Variants in TTL observed in about 807,000 individuals in gnomAD.
TTL encodes tubulin--tyrosine ligase.
In TTL, 10 loss-of-function variants were observed where a neutral mutation model predicts 41.1. That is an observed-to-expected ratio of 0.24 (90% CI 0.15 to 0.41). The LOEUF is 0.41. Ranked by LOEUF, TTL falls within the 10% of genes least tolerant of loss-of-function variation. TTL has a pLI of 1.00. For missense variants in TTL, 367 were observed against 460.4 expected (o/e 0.80, Z 1.86); for synonymous variants, 175 against 175.5 (o/e 1.00, Z 0.02).
chr2:112,510,824 C>G (rs376972971), intron 5 of TTL, among the ~76,000 whole-genome samples: 142 of 152,040 alleles, frequency 9.3e-4, no homozygotes, highest in African/African-American at 3.4e-3. Flanking sequence ...TTCTAATTTC[C>G]CTTATAATTT....
chr2:112,523,175 C>A (rs1682286339), intron 6 of TTL, among the ~76,000 whole-genome samples: 1 of 152,204 alleles, frequency 6.6e-6, no homozygotes, highest in South Asian at 2.1e-4. Context: ...ATTACCACCA[C>A]CACCACCAGC....
At position 112,531,134 on chromosome 2, in the gene TTL, C is replaced by G. The variant is rs964952188; in HGVS notation, c.*2339C>G. The G allele has an allele frequency of 7.1e-5, 15 of 210,956 alleles. No homozygotes were observed. Among genetic ancestry groups the G allele is most frequent in the Admixed American group, 1.2e-4 (2 of 16,996 alleles). The allele number at this position is 210,956 out of a possible 1,614,324, so 13.1% of individuals were successfully genotyped here. On this transcript the variant is annotated 3_prime_UTR_variant, in exon 7 of 7. Coordinates refer to ENST00000233336, the MANE Select transcript of TTL (RefSeq NM_153712.5). Reference sequence around the variant, plus strand: ...AGCTGAGACTACAGGTGCACACCACCAAGCCTGGCTTTATGTATTTATTTC... The same window carrying G: ...AGCTGAGACTACAGGTGCACACCACGAAGCCTGGCTTTATGTATTTATTTC...
intron 5 of TTL, among the ~76,000 whole-genome samples, chr2:112,513,194 A>G (rs1007224689): frequency 2.6e-5 from 4 of 152,114 alleles, no homozygotes; most frequent in African/African-American, 9.7e-5. Context: ...ATATATTTGC[A>G]CAGGTATGAT....
At position 112,534,599 on chromosome 2, in the gene TTL, T is replaced by C. The variant is rs1392298541; in HGVS notation, c.*5804T>C. ...TCCTAGGTCTTGTCTTTATTTGATGTGACTAAGAGGTTACCCAGTGTGAAC... is the reference window on the plus strand; with the variant it reads ...TCCTAGGTCTTGTCTTTATTTGATGCGACTAAGAGGTTACCCAGTGTGAAC... On this transcript the variant is annotated 3_prime_UTR_variant, in exon 7 of 7. Transcript: ENST00000233336. 5.3e-5 allele frequency: 8 copies of C among 152,320 alleles called. No homozygotes were observed. The East Asian group carries it at 1.3e-3, about 26-fold the overall frequency. 9.4% of individuals were successfully genotyped at this position (152,320 alleles called of 1,614,324 possible).
intron 5 of TTL, among the ~76,000 whole-genome samples, chr2:112,503,774 G>A (rs1197724107): frequency 1.5e-5 from 2 of 131,254 alleles, no homozygotes; most frequent in Non-Finnish European, 3.2e-5. Flanking sequence ...TACAATGTCA[G>A]TCTACTTCTC....
rs1342112811 is a variant in TTL, at chr2:112,534,320, T to C, written c.*5525T>C. Reference sequence around the variant, plus strand: ...GCCTGGGTGACAGTGCGAGACTCTGTCTCAAAAAAAAAAAAAAAAAAAAAA... The same window carrying C: ...GCCTGGGTGACAGTGCGAGACTCTGCCTCAAAAAAAAAAAAAAAAAAAAAA... On this transcript the variant is annotated 3_prime_UTR_variant, in exon 7 of 7. Transcript: ENST00000233336. 3.4e-5 allele frequency: 1 copy of C among 29,672 alleles called. No homozygotes were observed. The highest frequency in any genetic ancestry group is 7.4e-5 in the Non-Finnish European group (1 of 13,456). The allele number at this position is 29,672 out of a possible 1,614,324, so 1.8% of individuals were successfully genotyped here.
intron 5 of TTL, among the ~76,000 whole-genome samples, chr2:112,517,827 C>G (rs377355497): frequency 2.3e-4 from 35 of 151,450 alleles, no homozygotes; most frequent in African/African-American, 8.2e-4. Context: ...GCTTGTAGTC[C>G]CAGCTACTTC....
rs940449927 is a variant in TTL at position 112,530,868 on chromosome 2, A to G, written c.*2073A>G. 1.6e-5 allele frequency: 3 copies of G among 184,506 alleles called. No homozygotes were observed. Among genetic ancestry groups the G allele is most frequent in the Admixed American group, 6.2e-5 (1 of 16,098 alleles). The allele number at this position is 184,506 out of a possible 1,614,324, so 11.4% of individuals were successfully genotyped here. ...TGCCTCATTCCTCATGTGGCTTCCA[A>G]TAAGTATCTTAGGAACTTATTTCCT... On this transcript the variant is annotated 3_prime_UTR_variant, in exon 7 of 7. Coordinates refer to ENST00000233336, the MANE Select transcript of TTL (RefSeq NM_153712.5).
chr2:112,538,359 G>A lies in TTL; in HGVS notation c.*9564G>A, dbSNP rs1050323845. On this transcript the variant is annotated 3_prime_UTR_variant, in exon 7 of 7. Transcript: ENST00000233336. ...CCAATAATCTCTTGGGAATACAAACGGAAAAAATCTTCAACAAAATACTAG... is the reference window on the plus strand; with the variant it reads ...CCAATAATCTCTTGGGAATACAAACAGAAAAAATCTTCAACAAAATACTAG... 1 of 152,030 alleles carries A rather than the reference G, an allele frequency of 6.6e-6. No individual in the cohort carries two copies. The highest frequency in any genetic ancestry group is 1.9e-4 in the East Asian group (1 of 5,194). The allele number at this position is 152,030 out of a possible 1,614,324, so 9.4% of individuals were successfully genotyped here.
At chr2:112,514,149 C>T (rs1031537298) in intron 5 of TTL, among the ~76,000 whole-genome samples, 5 of 151,974 alleles carry the variant, frequency 3.3e-5, no homozygotes, top group South Asian at 2.1e-4. Context: ...TTTGGGAGGC[C>T]GAGGTGGGCC....
intron 6 of TTL, chr2:112,521,290 G>GT (rs1364588263): frequency 2.0e-6 from 2 of 985,278 alleles, no homozygotes; most frequent in Non-Finnish European, 2.4e-6. Context: ...CTTCTCTCGG[G>GT]AGAAGGCTGG....
chr2:112,495,059 C>G (rs562972021), intron 3 of TTL, among the ~76,000 whole-genome samples: 4 of 152,264 alleles, frequency 2.6e-5, no homozygotes, highest in Admixed American at 2.0e-4. Flanking sequence ...TGACATTTGC[C>G]CATATCTCTG....
rs1164488164 is a variant in TTL, at chr2:112,538,477, T to C, written c.*9682T>C. The C allele has an allele frequency of 6.6e-6, 1 of 152,230 alleles. No individual in the cohort carries two copies. The highest frequency in any genetic ancestry group is 1.5e-5 in the Non-Finnish European group (1 of 68,046). 9.4% of individuals were successfully genotyped at this position (152,230 alleles called of 1,614,324 possible). Reference sequence around the variant, plus strand: ...ACAAAGTTTGGAATAACTCATGTTCTCTTGTAAGTGGAAGCTAGGCTGAGC... The same window carrying C: ...ACAAAGTTTGGAATAACTCATGTTCCCTTGTAAGTGGAAGCTAGGCTGAGC... On this transcript the variant is annotated 3_prime_UTR_variant, in exon 7 of 7. Transcript: ENST00000233336.
intron 4 of TTL, 62 bp from the exon 5 acceptor site, chr2:112,502,850 T>A: frequency 6.5e-7 from 1 of 1,540,416 alleles, no homozygotes; most frequent in Non-Finnish European, 8.7e-7. Context: ...TGGGGATTGA[T>A]GTATATAATA....
At chr2:112,483,109 C>T (rs996071745) in intron 1 of TTL, 1 of 152,260 alleles carries the variant, frequency 6.6e-6, no homozygotes, top group African/African-American at 2.4e-5. Flanking sequence ...TAAACCTTTC[C>T]TTAGTTTCAC....
chr2:112,516,398 G>A (rs1682070834), intron 5 of TTL, among the ~76,000 whole-genome samples: 1 of 152,122 alleles, frequency 6.6e-6, no homozygotes, highest in Non-Finnish European at 1.5e-5. Flanking sequence ...GTGGCTGGCT[G>A]GGCACAGTGG....
At chr2:112,484,267 TTGTC>T (rs1169787722) in intron 1 of TTL, among the ~76,000 whole-genome samples, 1 of 151,342 alleles carries the variant, frequency 6.6e-6, no homozygotes, top group African/African-American at 2.4e-5. Flanking sequence ...TGTTTTTTGT[TTGTC>T]TGTTTGTTTT....
intron 6 of TTL, chr2:112,521,328 A>G: frequency 1.0e-6 from 1 of 985,364 alleles, no homozygotes; most frequent in Non-Finnish European, 1.2e-6. Flanking sequence ...TGGAGTCATT[A>G]AGGAGGAAGG....
intron 5 of TTL, among the ~76,000 whole-genome samples, chr2:112,518,070 C>T (rs1472184349): frequency 1.3e-5 from 2 of 151,902 alleles, no homozygotes; most frequent in African/African-American, 4.8e-5. Flanking sequence ...AAGCGATTCT[C>T]CTGCCTCAGC....
Sources: allele counts gnomAD v4.1 joint callset (sites outside exome capture counted in the v4.1 genomes callset), GRCh38; gene constraint gnomAD v4.1.1; transcripts MANE v1.5; gene names NCBI Gene and HGNC (gene_info 2026-07-23, HGNC 2026-07-21).